Variants in ASTN2 observed in about 807,000 individuals in gnomAD.
ASTN2 encodes the protein astrotactin-2.
ASTN2 carries 54 observed loss-of-function variants against 139.8 expected under a neutral mutation model. That is an observed-to-expected ratio of 0.39 (90% CI 0.31 to 0.48). The LOEUF is 0.48. Ranked by LOEUF, ASTN2 falls within the 20% of genes least tolerant of loss-of-function variation. ASTN2 has a pLI of 0.95. For synonymous variants in ASTN2, 756 were observed against 719.5 expected, an observed-to-expected ratio of 1.05 and a Z score of -0.81; for missense variants, 1,565 against 1,725.1, an observed-to-expected ratio of 0.91 and a Z score of 1.64.
intron 10 of ASTN2, among the ~76,000 whole-genome samples, chr9:116,943,627 C>A (rs1194844940): frequency 6.6e-6 from 1 of 150,542 alleles, no homozygotes; most frequent in Non-Finnish European, 1.5e-5. Context: ...TGCAGTACTG[C>A]AGATCAAAAT....
intron 16 of ASTN2, among the ~76,000 whole-genome samples, chr9:116,664,812 G>A (rs1168968136): frequency 6.6e-6 from 1 of 152,044 alleles, no homozygotes; most frequent in African/African-American, 2.4e-5. Context: ...AATGATCTGC[G>A]AATCTAGACT....
At chr9:116,717,292 A>G (rs1828338025) in intron 16 of ASTN2, among the ~76,000 whole-genome samples, 1 of 57,752 alleles carries the variant, frequency 1.7e-5, no homozygotes, top group Admixed American at 2.0e-4. Context: ...AAACCGGGGA[A>G]CAAATGCTTT....
At chr9:117,246,922 G>A (rs1212772755) in intron 2 of ASTN2, among the ~76,000 whole-genome samples, 1 of 152,104 alleles carries the variant, frequency 6.6e-6, no homozygotes, top group Non-Finnish European at 1.5e-5. Flanking sequence ...GCCCTGGGGT[G>A]ATTATTCAGA....
intron 1 of ASTN2, among the ~76,000 whole-genome samples, chr9:117,347,135 A>G (rs531099688): frequency 1.3e-5 from 2 of 152,122 alleles, no homozygotes; most frequent in South Asian, 4.2e-4. Context: ...ACTGTGGAAA[A>G]TATAATGGGA....
chr9:116,718,352 C>G (rs1001905195), intron 16 of ASTN2, among the ~76,000 whole-genome samples: 1 of 152,124 alleles, frequency 6.6e-6, no homozygotes, highest in South Asian at 2.1e-4. Flanking sequence ...GAGGACAGAT[C>G]AGAACTGTTA....
rs1316251413 is a variant in ASTN2, at chr9:116,432,949, A to AAAGGAAGGAAGGAAGG, written c.3783-6862_3783-6861insCCTTCCTTCCTTCCTT. Among the ~76,000 whole-genome samples the AAAGGAAGGAAGGAAGG allele has an allele frequency of 2.3e-4, 35 of 152,058 alleles. No homozygotes were observed. The South Asian group carries it at 6.5e-3, about 28-fold the overall frequency. ...CATCTTGGGGAAGGAAGGAAGGAAG[A>AAAGGAAGGAAGGAAGG]AAGGAAGGAAGGAGGGAAGGAAGGA... On this transcript the variant is annotated intron_variant, in intron 22 of 22. Transcript: ENST00000313400.
chr9:117,100,292 TACCATGTGTTCAGAGTGAAA>T (rs11270977), intron 4 of ASTN2, among the ~76,000 whole-genome samples: 3,526 of 152,306 alleles, frequency 0.023, 125 homozygotes, highest in African/African-American at 0.081. Context: ...AGTACTAAAG[TACCATGTGTTCAGAGTGAAA>T]ACTGAGGCTC....
intron 4 of ASTN2, among the ~76,000 whole-genome samples, chr9:117,105,578 G>A (rs1017027864): frequency 2.0e-5 from 3 of 152,104 alleles, no homozygotes; most frequent in South Asian, 2.1e-4. Flanking sequence ...CCTGGAATCC[G>A]TGAGTATAAG....
Position 117,402,255 on chromosome 9 carries a change from T to C in ASTN2, c.442+12242A>G, listed in dbSNP as rs550295105. On this transcript the variant is annotated intron_variant, in intron 1 of 22. Coordinates refer to ENST00000313400, the MANE Select transcript of ASTN2 (RefSeq NM_001365068.1). Reference sequence around the variant, plus strand: ...ATAATTTTTGTGTTTTTAGTAGAGATGGGGTTTCACCATGTTGGCCAGGCT... The same window carrying C: ...ATAATTTTTGTGTTTTTAGTAGAGACGGGGTTTCACCATGTTGGCCAGGCT... 2.0e-5 allele frequency among the ~76,000 whole-genome samples: 3 copies of C among 152,124 alleles called. No homozygotes were observed. In the East Asian group the frequency reaches 5.8e-4, roughly 30 times the overall value.
intron 1 of ASTN2, among the ~76,000 whole-genome samples, chr9:117,355,994 A>G (rs752438345): frequency 5.3e-5 from 8 of 152,160 alleles, no homozygotes; most frequent in Non-Finnish European, 1.2e-4. Flanking sequence ...TATTCCTTAC[A>G]ATTGCAGAGT....
chr9:116,832,818 T>A (rs1233667070), intron 11 of ASTN2, among the ~76,000 whole-genome samples: 2 of 152,096 alleles, frequency 1.3e-5, no homozygotes. Context: ...GGTCTTACTT[T>A]GTAGTTTTCT....
intron 19 of ASTN2, among the ~76,000 whole-genome samples, chr9:116,536,185 G>A (rs1047770472): frequency 1.3e-5 from 2 of 151,806 alleles, no homozygotes; most frequent in African/African-American, 2.4e-5. Flanking sequence ...CGTAGTTATC[G>A]TGCCATGGTT....
At chr9:117,215,500 A>T (rs1031016961) in intron 2 of ASTN2, among the ~76,000 whole-genome samples, 4 of 99,858 alleles carry the variant, frequency 4.0e-5, no homozygotes, top group African/African-American at 1.5e-4. Context: ...ATATATATAC[A>T]TTTTTTTCTT....
chr9:116,729,017 C>T lies in ASTN2; in HGVS notation c.2601G>A (p.Lys867=), dbSNP rs761835705. Residue 867 remains lysine (K), a synonymous_variant, in exon 15 of 23, where the codon AAG becomes AAA. Transcript: ENST00000313400. The part of the protein sequence containing the change: ...WRVRSNLYRV[K]LSTITLAAGF... ...CTGCTGCGAGGGTGATGGTGCTGAG[C>T]TTCACACGGTAGAGGTTGCTCCGGA... is the stretch of plus-strand genomic sequence containing the variant. The T allele has an allele frequency of 2.7e-5, 43 of 1,585,410 alleles. 2 individuals carry two copies. In the Middle Eastern group the frequency reaches 1.5e-3, roughly 55 times the overall value.
intron 11 of ASTN2, among the ~76,000 whole-genome samples, chr9:116,835,297 G>A (rs1266290315): frequency 6.6e-6 from 1 of 151,972 alleles, no homozygotes; most frequent in Non-Finnish European, 1.5e-5. Flanking sequence ...ATCTGGCTCT[G>A]GCATAACATG....
intron 4 of ASTN2, among the ~76,000 whole-genome samples, chr9:117,138,489 G>A (rs1385263128): frequency 6.6e-6 from 1 of 152,178 alleles, no homozygotes; most frequent in Non-Finnish European, 1.5e-5. Context: ...CGAAAAGAGG[G>A]CAGGAGCCAG....
intron 19 of ASTN2, among the ~76,000 whole-genome samples, chr9:116,548,603 T>C (rs1852206160): frequency 6.6e-6 from 1 of 151,938 alleles, no homozygotes; most frequent in South Asian, 2.1e-4. Context: ...CTCCTGAGTA[T>C]CTGGGATTAC....
chr9:116,578,080 G>T (rs1363886645), intron 19 of ASTN2, among the ~76,000 whole-genome samples: 2 of 152,148 alleles, frequency 1.3e-5, no homozygotes, highest in African/African-American at 4.8e-5. Flanking sequence ...TCTGACTACA[G>T]AGTGGAAAGT....
intron 13 of ASTN2, among the ~76,000 whole-genome samples, chr9:116,747,236 G>C (rs1829266833): frequency 6.6e-6 from 1 of 152,186 alleles, no homozygotes; most frequent in South Asian, 2.1e-4. Context: ...TTTATAGTGA[G>C]GGAGCAGAGA....
Sources: gnomAD v4.1 joint callset for allele counts (sites outside exome capture counted in the v4.1 genomes callset) on GRCh38, gnomAD v4.1.1 for gene constraint, MANE v1.5 for transcripts, NCBI Gene and HGNC (gene_info 2026-07-23, HGNC 2026-07-21) for gene names.